Variants in CACNA1D observed in about 807,000 individuals in gnomAD.
The protein encoded by CACNA1D is voltage-dependent L-type calcium channel subunit alpha-1D.
CACNA1D carries 55 observed loss-of-function variants against 257.1 expected under a neutral mutation model. The observed-to-expected ratio is 0.21, with a 90% CI of 0.17 to 0.27. The LOEUF is 0.27. Ranked by LOEUF, CACNA1D falls within the 10% of genes least tolerant of loss-of-function variation. The pLI is 1.00. For synonymous variants in CACNA1D, 980 were observed against 1,014.9 expected (o/e 0.97, Z 0.65); for missense variants, 1,876 against 2,784.0 (o/e 0.67, Z 7.34).
intron 3 of CACNA1D, among the ~76,000 whole-genome samples, chr3:53,566,102 A>G (rs1409292305): frequency 1.3e-5 from 2 of 152,250 alleles, no homozygotes; most frequent in Non-Finnish European, 2.9e-5. Flanking sequence ...CTGAAAATTT[A>G]TAAATGCCGT....
At chr3:53,603,042 G>A (rs2093464931) in intron 3 of CACNA1D, among the ~76,000 whole-genome samples, 1 of 152,198 alleles carries the variant, frequency 6.6e-6, no homozygotes, top group South Asian at 2.1e-4. Context: ...TGGGCATGTG[G>A]CACAGGTGAG....
At position 53,774,639 on chromosome 3, in the gene CACNA1D, A is replaced by C. The variant is rs2095386611; in HGVS notation, c.4163A>C (p.Asn1388Thr). The part of the protein sequence containing the change: ...RDNNQINRNN[N>T]FQTFPQAVLL... ...AACAACCAGATCAATAGGAACAATA[A>C]CTTCCAGACGTTTCCCCAGGCGGTG... The change falls in exon 34 of 48, where the codon AAC (asparagine) becomes ACC (threonine). Residue 1388 changes from asparagine to threonine, a missense_variant. This residue lies in a region of CACNA1D where 204 missense variants were observed against 309.4 expected (regional missense o/e 0.66). Coordinates refer to ENST00000350061, the MANE Select transcript of CACNA1D (RefSeq NM_001128840.3). This position sits in a 1 kb window ranked among gnomAD's most constrained non-coding sequence, Gnocchi z 4.3. 1 of 1,613,156 alleles carries C rather than the reference A, an allele frequency of 6.2e-7. No homozygotes were observed. The highest frequency in any genetic ancestry group is 8.5e-7 in the Non-Finnish European group (1 of 1,179,240).
intron 3 of CACNA1D, among the ~76,000 whole-genome samples, chr3:53,646,773 C>T (rs1441383984): frequency 1.7e-4 from 26 of 152,216 alleles, no homozygotes; most frequent in Non-Finnish European, 7.3e-5. Context: ...TCTGTGAGGA[C>T]AGGGTTCTGG....
In CACNA1D at chr3:53,611,788, T is replaced by G. The variant is rs185889118; in HGVS notation, c.484-38991T>G. Among the ~76,000 whole-genome samples the G allele has an allele frequency of 2.6e-5, 4 of 152,322 alleles. 1 individual carries two copies. The highest frequency in any genetic ancestry group is 2.0e-4 in the Admixed American group (3 of 15,302). ...TGTCTAGTTCAAGGATAAGCAAATT[T>G]TTTTCTATAAAAGATCAGATAGTAA... On this transcript the variant is annotated intron_variant, in intron 3 of 47. Transcript: ENST00000350061.
intron 8 of CACNA1D, among the ~76,000 whole-genome samples, chr3:53,674,418 T>C (rs1472020609): frequency 6.6e-6 from 1 of 152,244 alleles, no homozygotes; most frequent in Non-Finnish European, 1.5e-5. Flanking sequence ...AGAATCCTTC[T>C]CTTAATGCAG....
intron 42 of CACNA1D, 51 bp from the exon 43 acceptor site, chr3:53,802,096 A>C: frequency 6.7e-7 from 1 of 1,496,416 alleles, no homozygotes; most frequent in Non-Finnish European, 9.3e-7. Flanking sequence ...TTTGGTTGGA[A>C]ATTAACTTTT....
At position 53,665,683 on chromosome 3, in the gene CACNA1D, A is replaced by G. The variant is rs768966508; in HGVS notation, c.790A>G (p.Ile264Val). The G allele has an allele frequency of 1.1e-5, 17 of 1,613,218 alleles. No homozygotes were observed. The highest frequency in any genetic ancestry group is 8.9e-5 in the East Asian group (4 of 44,832). The stretch of plus-strand genomic sequence containing the variant: ...AGGTTTACAAGTTGTCCTGAACTCC[A>G]TTATAAAAGCCATGGTTCCCCTCCT... ...VPSLQVVLNS[I>V]IKAMVPLLHI... Residue 264 changes from isoleucine (I) to valine (V), a missense_variant, in exon 6 of 48, where the codon ATT becomes GTT. Ile to Val is a conservative substitution (Grantham distance 29). This residue lies in a region of CACNA1D where 188 missense variants were observed against 390.4 expected (regional missense o/e 0.48). Transcript: ENST00000350061.
intron 32 of CACNA1D, among the ~76,000 whole-genome samples, chr3:53,771,010 G>A (rs1258474300): frequency 2.0e-5 from 3 of 152,202 alleles, no homozygotes; most frequent in African/African-American, 7.2e-5. Context: ...CTATCACTGG[G>A]TTATCCTGCA....
chr3:53,723,024 G>A lies in CACNA1D; in HGVS notation c.1667-410G>A, dbSNP rs898410. On this transcript the variant is annotated intron_variant, in intron 12 of 47. Transcript: ENST00000350061. The surrounding 1 kb of genome is among the most constrained non-coding windows in gnomAD (Gnocchi z 5.6). ...TTGATAGGTGACTGCTTCTGATATCGTCATGCCATAAATGAATTCAGACAG... is the reference window on the plus strand; with the variant it reads ...TTGATAGGTGACTGCTTCTGATATCATCATGCCATAAATGAATTCAGACAG... Among the ~76,000 whole-genome samples the A allele has an allele frequency of 0.018, 2,795 of 152,144 alleles. 91 individuals are homozygous for A. The highest frequency in any genetic ancestry group is 0.063 in the African/African-American group (2,625 of 41,486).
chr3:53,645,743 A>G (rs993860916), intron 3 of CACNA1D, among the ~76,000 whole-genome samples: 8 of 152,208 alleles, frequency 5.3e-5, no homozygotes, highest in Admixed American at 4.6e-4. Context: ...ATGTAACAGC[A>G]GGCTCTAATT....
intron 9 of CACNA1D, among the ~76,000 whole-genome samples, chr3:53,714,637 CTTG>C (rs2094799583): frequency 6.6e-6 from 1 of 152,138 alleles, no homozygotes; most frequent in Non-Finnish European, 1.5e-5. Context: ...CTTTTTGGAA[CTTG>C]TTGATTTGTG....
intron 3 of CACNA1D, among the ~76,000 whole-genome samples, chr3:53,630,326 C>G (rs1476744733): frequency 6.6e-6 from 1 of 152,174 alleles, no homozygotes; most frequent in Non-Finnish European, 1.5e-5. Context: ...TTCTAAATGT[C>G]TATGGTTTTT....
At chr3:53,672,431 C>T (rs1160939448) in intron 7 of CACNA1D, among the ~76,000 whole-genome samples, 1 of 152,170 alleles carries the variant, frequency 6.6e-6, no homozygotes, top group East Asian at 1.9e-4. Context: ...TAATCCAGAT[C>T]TAAGGTGGGT....
chr3:53,496,037 A>G (rs2090328884), intron 1 of CACNA1D, among the ~76,000 whole-genome samples: 1 of 152,156 alleles, frequency 6.6e-6, no homozygotes, highest in Non-Finnish European at 1.5e-5. Context: ...GAAGCTTGAC[A>G]TGACTCGACT....
At chr3:53,590,540 A>G (rs913399825) in intron 3 of CACNA1D, among the ~76,000 whole-genome samples, 1 of 152,232 alleles carries the variant, frequency 6.6e-6, no homozygotes, top group Admixed American at 6.5e-5. Flanking sequence ...ACTGTCTCCT[A>G]TAGTCAGAAA....
intron 3 of CACNA1D, among the ~76,000 whole-genome samples, chr3:53,571,424 G>T (rs1384983195): frequency 6.6e-6 from 1 of 152,210 alleles, no homozygotes; most frequent in Non-Finnish European, 1.5e-5. Flanking sequence ...AGGGTGGCTG[G>T]AGAGAGCTGT....
chr3:53,556,931 G>A (rs986127231), intron 3 of CACNA1D, among the ~76,000 whole-genome samples: 1 of 151,984 alleles, frequency 6.6e-6, no homozygotes, highest in Admixed American at 6.6e-5. Context: ...GGCCAAGCTG[G>A]TCTTGAACTC....
chr3:53,624,516 G>A (rs2093734643), intron 3 of CACNA1D, among the ~76,000 whole-genome samples: 1 of 152,074 alleles, frequency 6.6e-6, no homozygotes, highest in Non-Finnish European at 1.5e-5. Flanking sequence ...TGTTTTGAGG[G>A]GCCTTTACTA....
intron 3 of CACNA1D, among the ~76,000 whole-genome samples, chr3:53,589,592 C>G (rs1350726361): frequency 6.6e-6 from 1 of 152,154 alleles, no homozygotes; most frequent in Non-Finnish European, 1.5e-5. Flanking sequence ...ACCCCGATAA[C>G]TAATGTGTCA....
Sources: gnomAD v4.1 joint callset for allele counts (sites outside exome capture counted in the v4.1 genomes callset) on GRCh38, gnomAD v4.1.1 for gene constraint, gnomAD v4.1.1 regional missense constraint, Gnocchi (gnomAD v3.1) non-coding constraint, MANE v1.5 for transcripts, NCBI Gene and HGNC (gene_info 2026-07-23, HGNC 2026-07-21) for gene names.